MACROD2: variants seen among roughly 807,000 people sequenced by gnomAD.
The protein encoded by MACROD2 is mono-ADP ribosylhydrolase 2.
Under a neutral mutation model 70.4 loss-of-function variants are expected in MACROD2, and 36 were observed. The observed-to-expected ratio is 0.51, with a 90% confidence interval of 0.39 to 0.68. MACROD2 has a LOEUF of 0.68. MACROD2 is among the 30% of genes least tolerant of loss of function. The probability of loss-of-function intolerance (pLI) is 0.00; values close to 1 mark genes in which losing one functional copy is unlikely to be tolerated. For synonymous variants in MACROD2, 172 were observed against 178.8 expected (o/e 0.96, Z 0.30); for missense variants, 496 against 538.4 (o/e 0.92, Z 0.78).
chr20:15,227,803 G>A (rs1339448947), intron 5 of MACROD2, among the ~76,000 whole-genome samples: 1 of 128,924 alleles, frequency 7.8e-6, no homozygotes, highest in Non-Finnish European at 1.6e-5. Flanking sequence ...TAAGGTAACT[G>A]GTGTGATAGA....
At chr20:14,653,376 G>A (rs1294336141) in intron 4 of MACROD2, among the ~76,000 whole-genome samples, 1 of 152,090 alleles carries the variant, frequency 6.6e-6, no homozygotes, top group Admixed American at 6.5e-5. Context: ...CCGCCACCAA[G>A]CCCGGCTAAT....
At chr20:14,229,794 C>A (rs1271950428) in intron 3 of MACROD2, among the ~76,000 whole-genome samples, 2 of 152,114 alleles carry the variant, frequency 1.3e-5, no homozygotes, top group Non-Finnish European at 2.9e-5. Context: ...AAAGTAGAAG[C>A]AACCAAGATG....
intron 12 of MACROD2, among the ~76,000 whole-genome samples, chr20:15,955,562 A>G (rs1222902148): frequency 6.6e-6 from 1 of 152,074 alleles, no homozygotes; most frequent in Non-Finnish European, 1.5e-5. Context: ...ATAATTTTCC[A>G]TCTTCCTAAT....
chr20:15,940,873 C>A (rs1240908670), intron 12 of MACROD2, among the ~76,000 whole-genome samples: 4 of 152,154 alleles, frequency 2.6e-5, no homozygotes, highest in Admixed American at 2.0e-4. Context: ...AAATTTTGGA[C>A]ATACCAATCA....
At position 15,563,930 on chromosome 20, in the gene MACROD2, T is replaced by C. The variant is rs78458974; in HGVS notation, c.645+64083T>C. Reference sequence around the variant, plus strand: ...AACAAAGGATAGCATTTTTCTTTCCTTTTTCCGTGTGTGTTATTTCATATT... The same window carrying C: ...AACAAAGGATAGCATTTTTCTTTCCCTTTTCCGTGTGTGTTATTTCATATT... On this transcript the variant is annotated intron_variant, in intron 8 of 17. Transcript: ENST00000684519. Among the ~76,000 whole-genome samples, 1,155 of 152,276 alleles carry C rather than the reference T, an allele frequency of 7.6e-3. 4 individuals are homozygous for C. Among genetic ancestry groups the C allele is most frequent in the Middle Eastern group, 0.048 (14 of 294 alleles).
chr20:14,343,463 A>C (rs2083035599), intron 3 of MACROD2, among the ~76,000 whole-genome samples: 1 of 152,202 alleles, frequency 6.6e-6, no homozygotes, highest in African/African-American at 2.4e-5. Flanking sequence ...TCACTACTAA[A>C]TCCGAGAAAG....
intron 3 of MACROD2, among the ~76,000 whole-genome samples, chr20:14,244,669 T>C (rs1422039303): frequency 6.6e-6 from 1 of 152,220 alleles, no homozygotes; most frequent in African/African-American, 2.4e-5. Context: ...AGAGGTGTTC[T>C]GTTCTCTAAA....
intron 8 of MACROD2, among the ~76,000 whole-genome samples, chr20:15,839,774 T>G (rs573067678): frequency 4.9e-4 from 75 of 152,230 alleles, no homozygotes; most frequent in Non-Finnish European, 7.8e-4. Context: ...AGTTCATATG[T>G]CTATATATCA....
At chr20:14,746,932 T>C (rs1015308234) in intron 5 of MACROD2, among the ~76,000 whole-genome samples, 2 of 152,170 alleles carry the variant, frequency 1.3e-5, no homozygotes, top group African/African-American at 2.4e-5. Flanking sequence ...TTACAAACCA[T>C]TGTGTTCCAA....
intron 4 of MACROD2, among the ~76,000 whole-genome samples, chr20:14,621,169 A>G (rs746148352): frequency 6.6e-6 from 1 of 152,074 alleles, no homozygotes; most frequent in Non-Finnish European, 1.5e-5. Flanking sequence ...TGGATAAACT[A>G]ATTAATGATT....
intron 5 of MACROD2, among the ~76,000 whole-genome samples, chr20:15,000,195 T>C (rs2074981996): frequency 6.6e-6 from 1 of 152,224 alleles, no homozygotes; most frequent in Non-Finnish European, 1.5e-5. Flanking sequence ...AGAATACTTT[T>C]CTACATTAAA....
chr20:15,700,383 G>A (rs2050439771), intron 8 of MACROD2, among the ~76,000 whole-genome samples: 1 of 152,198 alleles, frequency 6.6e-6, no homozygotes, highest in Admixed American at 6.5e-5. Flanking sequence ...GTTTCGCAGG[G>A]GCATCTGTTC....
chr20:15,848,125 T>G (rs1333708869), intron 8 of MACROD2, among the ~76,000 whole-genome samples: 1 of 152,220 alleles, frequency 6.6e-6, no homozygotes, highest in East Asian at 1.9e-4. Context: ...GAATTTTACC[T>G]TAAGACTATA....
At chr20:14,778,955 A>T (rs759603787) in intron 5 of MACROD2, among the ~76,000 whole-genome samples, 1 of 152,174 alleles carries the variant, frequency 6.6e-6, no homozygotes, top group East Asian at 1.9e-4. Context: ...CTCTCAATGC[A>T]TGGTACAGTC....
chr20:16,044,768 C>T, intron 17 of MACROD2, 129 bp downstream of exon 17: 3 of 788,460 alleles, frequency 3.8e-6, no homozygotes, highest in Non-Finnish European at 2.1e-6. Flanking sequence ...CCTTGAAAAT[C>T]TTTAAACCAA....
intron 3 of MACROD2, among the ~76,000 whole-genome samples, chr20:14,408,543 T>A (rs1244050968): frequency 1.3e-5 from 2 of 152,144 alleles, no homozygotes; most frequent in East Asian, 1.9e-4. Flanking sequence ...TCAGCGAACA[T>A]GTTTTTCTTA....
At chr20:15,096,670 C>T (rs2075835052) in intron 5 of MACROD2, among the ~76,000 whole-genome samples, 1 of 151,148 alleles carries the variant, frequency 6.6e-6, no homozygotes, top group Admixed American at 6.6e-5. Context: ...CACCACTGTG[C>T]CCAGCTAATT....
intron 8 of MACROD2, among the ~76,000 whole-genome samples, chr20:15,602,077 C>T (rs1354014744): frequency 6.6e-6 from 1 of 152,056 alleles, no homozygotes; most frequent in Non-Finnish European, 1.5e-5. Context: ...ATTACTGAAT[C>T]ACTAAAAATA....
chr20:15,816,995 CT>C (rs1248663139), intron 8 of MACROD2, among the ~76,000 whole-genome samples: 1 of 152,172 alleles, frequency 6.6e-6, no homozygotes, highest in African/African-American at 2.4e-5. Context: ...AAAAACGATG[CT>C]CGTTACCTGA....
Sources: gnomAD v4.1 joint callset for allele counts (sites outside exome capture counted in the v4.1 genomes callset) on GRCh38, gnomAD v4.1.1 for gene constraint, MANE v1.5 for transcripts, NCBI Gene and HGNC (gene_info 2026-07-23, HGNC 2026-07-21) for gene names.